The following CEP120 variants were observed in gnomAD, a reference collection of about 807,000 sequenced individuals.
The protein encoded by CEP120 is centrosomal protein of 120 kDa.
A neutral mutation model predicts 126.5 loss-of-function variants in CEP120; 113 were observed. The ratio of observed to expected loss-of-function variants is 0.89; its 90% confidence interval spans 0.77 to 1.04. CEP120 has a LOEUF of 1.04. Ranked by LOEUF, CEP120 falls within the 50% of genes least tolerant of loss-of-function variation. The probability of loss-of-function intolerance (pLI) is 0.00; values close to 1 mark genes in which losing one functional copy is unlikely to be tolerated. For synonymous variants in CEP120, 400 were observed against 394.3 expected (o/e 1.01, Z -0.17); for missense variants, 1,230 against 1,155.7 (o/e 1.06, Z -0.93).
rs1469789879 is a variant in CEP120, at chr5:123,422,940, G to A, written c.49+10C>T. 1 of 1,613,818 alleles carries A rather than the reference G, an allele frequency of 6.2e-7. No homozygotes were observed. Among genetic ancestry groups the A allele is most frequent in the Admixed American group, 1.7e-5 (1 of 60,030 alleles). ...GCAGCAGTTGCAAAAGCAAGCCTCA[G>A]GCTGCTCACCTTCTAGGATGGACAC... On this transcript the variant is annotated intron_variant, in intron 1 of 19. Coordinates refer to ENST00000306467, the MANE Select transcript of CEP120 (RefSeq NM_001375405.1).
rs1562009722 is a variant in CEP120, at chr5:123,364,612, C to CTT, written c.2482-19_2482-18insAA. On this transcript the variant is annotated intron_variant, in intron 17 of 19. Transcript: ENST00000306467. ...AGTTCAACCTAACAGTGATTAAAATCATATCAAGTGAAACACTATACCACT... is the reference window on the plus strand; with the variant it reads ...AGTTCAACCTAACAGTGATTAAAATCTTATATCAAGTGAAACACTATACCACT... 1 of 1,481,866 alleles carries CTT rather than the reference C, an allele frequency of 6.7e-7. No individual in the cohort carries two copies. Among genetic ancestry groups the CTT allele is most frequent in the East Asian group, 2.3e-5 (1 of 43,764 alleles). The allele number at this position is 1,481,866 out of a possible 1,614,324, so 91.8% of individuals were successfully genotyped here. A position where few individuals can be genotyped will look rare whatever the true frequency, so the allele number is the denominator to read the frequency against.
intron 17 of CEP120, among the ~76,000 whole-genome samples, chr5:123,367,217 AT>A (rs1263857020): frequency 6.6e-6 from 1 of 151,744 alleles, no homozygotes; most frequent in African/African-American, 2.4e-5. Context: ...TATCTTTCCC[AT>A]TTGCCCCAAG....
rs1291767552 is a variant in CEP120 at position 123,364,488 on chromosome 5, C to G, written c.2580+8G>C. ...AGATATAAAAAGAATAAGCTATAAA[C>G]TACATACCTGTTTAAGTCTGGCAAG... On this transcript the variant is annotated splice_region_variant and intron_variant, in intron 18 of 19. Coordinates refer to ENST00000306467, the MANE Select transcript of CEP120 (RefSeq NM_001375405.1). The G allele has an allele frequency of 5.1e-6, 8 of 1,580,884 alleles. No homozygotes were observed. Among genetic ancestry groups the G allele is most frequent in the Non-Finnish European group, 6.1e-6 (7 of 1,154,978 alleles).
intron 18 of CEP120, among the ~76,000 whole-genome samples, chr5:123,362,055 T>C (rs1398659433): frequency 6.6e-6 from 1 of 151,754 alleles, no homozygotes; most frequent in African/African-American, 2.4e-5. Flanking sequence ...CTGCTTCTGA[T>C]GGAGTTTATA....
At chr5:123,388,862 T>C (rs553166751) in intron 8 of CEP120, among the ~76,000 whole-genome samples, 11 of 152,272 alleles carry the variant, frequency 7.2e-5, no homozygotes, top group African/African-American at 1.4e-4. Flanking sequence ...ACAGAACCAA[T>C]AGAGAAATAT....
intron 16 of CEP120, among the ~76,000 whole-genome samples, chr5:123,376,516 G>A (rs1771238834): frequency 6.6e-6 from 1 of 152,086 alleles, no homozygotes. Flanking sequence ...AGACAATGCT[G>A]AAAGGTTTTA....
chr5:123,353,798 G>A (rs1360256611), intron 18 of CEP120, among the ~76,000 whole-genome samples: 1 of 151,778 alleles, frequency 6.6e-6, no homozygotes, highest in African/African-American at 2.4e-5. Flanking sequence ...CTATAGTCTT[G>A]TCTCTTTTTT....
intron 2 of CEP120, 83 bp from the exon 3 acceptor site, chr5:123,416,207 A>C (rs1774381210): frequency 1.3e-6 from 1 of 769,226 alleles, no homozygotes; most frequent in Non-Finnish European, 2.2e-6. Context: ...TATTATCAAG[A>C]TACTTATAAT....
intron 4 of CEP120, among the ~76,000 whole-genome samples, chr5:123,404,540 T>C (rs1206552677): frequency 1.3e-5 from 2 of 151,628 alleles, no homozygotes; most frequent in Admixed American, 1.3e-4. Context: ...CTTTAATATA[T>C]AAAGGTTGGG....
chr5:123,389,219 T>C (rs988054748), intron 8 of CEP120, among the ~76,000 whole-genome samples: 4 of 152,206 alleles, frequency 2.6e-5, no homozygotes, highest in African/African-American at 7.2e-5. Flanking sequence ...CAGATAAATA[T>C]GCATTCTTAG....
At chr5:123,411,950 G>C (rs749329553) in intron 4 of CEP120, among the ~76,000 whole-genome samples, 1 of 152,170 alleles carries the variant, frequency 6.6e-6, no homozygotes, top group Non-Finnish European at 1.5e-5. Context: ...TGGGGACAGG[G>C]AGTATATAGG....
At chr5:123,365,781 A>C (rs1343651725) in intron 17 of CEP120, among the ~76,000 whole-genome samples, 1 of 151,564 alleles carries the variant, frequency 6.6e-6, no homozygotes, top group African/African-American at 2.4e-5. Flanking sequence ...AAAGAAAAAA[A>C]TATTTTTATC....
At chr5:123,403,571 A>G (rs1454483100) in intron 4 of CEP120, 2 of 324,132 alleles carry the variant, frequency 6.2e-6, no homozygotes, top group Admixed American at 9.6e-5. Context: ...CTGCCCCACA[A>G]AAGAGTTATT....
chr5:123,409,169 GA>G (rs879654307), intron 4 of CEP120, among the ~76,000 whole-genome samples: 86 of 150,370 alleles, frequency 5.7e-4, no homozygotes, highest in Admixed American at 4.0e-3. Context: ...GCCTAATGAA[GA>G]AAAAAAAATC....
intron 9 of CEP120, 120 bp downstream of exon 9, chr5:123,388,312 A>T: frequency 5.0e-6 from 3 of 602,274 alleles, no homozygotes; most frequent in Non-Finnish European, 8.0e-6. Flanking sequence ...ACCCCCTTTT[A>T]GTCCACTGAT....
rs111821683 is a variant in CEP120 at position 123,400,048 on chromosome 5, G to A, written c.464-764C>T. ...TCTCAATGTTGGCAGGTACATGCTA[G>A]AATAACCAATTAGAGGGTGATATAT... On this transcript the variant is annotated intron_variant, in intron 4 of 19. Coordinates refer to ENST00000306467, the MANE Select transcript of CEP120 (RefSeq NM_001375405.1). Among the ~76,000 whole-genome samples, 900 of 152,288 alleles carry A rather than the reference G, an allele frequency of 5.9e-3. 8 individuals are homozygous for A. The highest frequency in any genetic ancestry group is 0.02 in the African/African-American group (838 of 41,558).
chr5:123,409,897 G>T (rs1247589244), intron 4 of CEP120, among the ~76,000 whole-genome samples: 1 of 150,048 alleles, frequency 6.7e-6, no homozygotes, highest in East Asian at 2.0e-4. Context: ...TCGGGGCTGT[G>T]GTAAGCCAAG....
At chr5:123,410,632 A>G (rs1211332303) in intron 4 of CEP120, among the ~76,000 whole-genome samples, 1 of 152,250 alleles carries the variant, frequency 6.6e-6, no homozygotes, top group Admixed American at 6.5e-5. Context: ...GGACATCTAC[A>G]TGCAAAAAGT....
At chr5:123,348,801 G>C (rs866287862) in intron 19 of CEP120, among the ~76,000 whole-genome samples, 2 of 152,262 alleles carry the variant, frequency 1.3e-5, no homozygotes, top group Non-Finnish European at 2.9e-5. Flanking sequence ...TCATGAGGGT[G>C]AACTCTCATC....
Sources: allele counts gnomAD v4.1 joint callset (sites outside exome capture counted in the v4.1 genomes callset), GRCh38; gene constraint gnomAD v4.1.1; transcripts MANE v1.5; gene names NCBI Gene and HGNC (gene_info 2026-07-23, HGNC 2026-07-21).